The following AGMO variants were observed in gnomAD, a reference collection of about 807,000 sequenced individuals.
AGMO encodes the protein glyceryl-ether monooxygenase.
Under a neutral mutation model 60.2 loss-of-function variants are expected in AGMO, and 75 were observed. The ratio of observed to expected loss-of-function variants is 1.25; its 90% CI spans 1.03 to 1.51. The LOEUF is 1.51. Among genes scored for constraint, AGMO ranks in the 40% most tolerant of loss-of-function variants. The pLI, the probability that AGMO is intolerant of heterozygous loss-of-function variation, is 0.00. For synonymous variants in AGMO, 261 were observed against 177.1 expected (o/e 1.47, Z -3.76); for missense variants, 763 against 525.5 (o/e 1.45, Z -4.42).
At chr7:15,381,017 T>C (rs1366066518) in intron 10 of AGMO, among the ~76,000 whole-genome samples, 1 of 152,098 alleles carries the variant, frequency 6.6e-6, no homozygotes, top group Non-Finnish European at 1.5e-5. Context: ...CCTTACTGCA[T>C]ATACAAAAAC....
the AGMO span, among the ~76,000 whole-genome samples, chr7:15,117,721 T>A: frequency 6.6e-6 from 1 of 152,042 alleles, no homozygotes; most frequent in South Asian, 2.1e-4. Flanking sequence ...AATGTCCACA[T>A]GGCCGCATGC....
chr7:15,173,742 CT>C, the AGMO span, among the ~76,000 whole-genome samples: 1 of 150,874 alleles, frequency 6.6e-6, no homozygotes, highest in Non-Finnish European at 1.5e-5. Flanking sequence ...TACAAATTTC[CT>C]TATTTTACAT....
intron 12 of AGMO, among the ~76,000 whole-genome samples, chr7:15,249,105 A>G (rs370990906): frequency 2.0e-5 from 3 of 152,224 alleles, no homozygotes; most frequent in African/African-American, 7.2e-5. Flanking sequence ...ATGGATACCA[A>G]GAAGGTAGAG....
At chr7:15,281,038 G>T (rs974018396) in intron 12 of AGMO, among the ~76,000 whole-genome samples, 1 of 152,162 alleles carries the variant, frequency 6.6e-6, no homozygotes, top group African/African-American at 2.4e-5. Context: ...AGCATTTACA[G>T]TAGTCTGGCT....
At chr7:15,460,606 TTAA>T (rs1782119614) in intron 3 of AGMO, among the ~76,000 whole-genome samples, 1 of 152,066 alleles carries the variant, frequency 6.6e-6, no homozygotes, top group African/African-American at 2.4e-5. Flanking sequence ...TAATAAGATA[TTAA>T]TGAGATATAA....
At chr7:15,482,410 T>C (rs1180202613) in intron 3 of AGMO, among the ~76,000 whole-genome samples, 3 of 152,098 alleles carry the variant, frequency 2.0e-5, no homozygotes, top group African/African-American at 4.8e-5. Context: ...CTTTAGTAAA[T>C]TGGACAAGTA....
intron 2 of AGMO, among the ~76,000 whole-genome samples, chr7:15,546,228 C>G (rs1323813089): frequency 6.6e-6 from 1 of 152,100 alleles, no homozygotes; most frequent in Non-Finnish European, 1.5e-5. Context: ...AAACACTAGA[C>G]TGTCTTATAA....
the AGMO span, among the ~76,000 whole-genome samples, chr7:15,150,800 C>T: frequency 6.6e-6 from 1 of 152,024 alleles, no homozygotes; most frequent in East Asian, 1.9e-4. Context: ...TTGTTAGTAT[C>T]AGAATGATGC....
the AGMO span, among the ~76,000 whole-genome samples, chr7:15,174,307 TGAG>T: frequency 6.6e-6 from 1 of 152,090 alleles, no homozygotes; most frequent in African/African-American, 2.4e-5. Context: ...CCCTTTTACC[TGAG>T]AAGTGAGGAG....
At chr7:15,264,284 G>A (rs923614696) in intron 12 of AGMO, among the ~76,000 whole-genome samples, 3 of 151,436 alleles carry the variant, frequency 2.0e-5, no homozygotes, top group Admixed American at 6.6e-5. Flanking sequence ...TCATAACTAC[G>A]TCAAAAATGG....
chr7:15,128,668 A>T, the AGMO span, among the ~76,000 whole-genome samples: 4 of 152,100 alleles, frequency 2.6e-5, no homozygotes, highest in Non-Finnish European at 4.4e-5. Flanking sequence ...TGTAGAAAAA[A>T]GAAAGTTACC....
At chr7:15,293,780 C>T (rs1403737784) in intron 12 of AGMO, among the ~76,000 whole-genome samples, 2 of 152,160 alleles carry the variant, frequency 1.3e-5, no homozygotes, top group Non-Finnish European at 1.5e-5. Flanking sequence ...ATATTTTATG[C>T]AAGTGCCTTG....
intron 3 of AGMO, among the ~76,000 whole-genome samples, chr7:15,522,400 T>C (rs1455524195): frequency 6.6e-6 from 1 of 152,100 alleles, no homozygotes; most frequent in East Asian, 1.9e-4. Context: ...CAAGACAATC[T>C]AAGCAAAAAG....
At chr7:15,336,418 CAAAAAAAAAAGA>C in intron 12 of AGMO, among the ~76,000 whole-genome samples, 1 of 140,678 alleles carries the variant, frequency 7.1e-6, no homozygotes, top group East Asian at 2.0e-4. Context: ...CTCAATATGG[CAAAAAAAAAAGA>C]AAAAAAAACA....
intron 10 of AGMO, among the ~76,000 whole-genome samples, chr7:15,381,964 G>A (rs370232239): frequency 1.6e-4 from 24 of 151,942 alleles, no homozygotes; most frequent in Admixed American, 1.2e-3. Flanking sequence ...AAGTGGGAGC[G>A]CTAAATGATG....
the AGMO span, among the ~76,000 whole-genome samples, chr7:15,138,407 T>C: frequency 3.3e-5 from 5 of 152,324 alleles, no homozygotes; most frequent in Non-Finnish European, 7.3e-5. Flanking sequence ...ACTGTGCCAC[T>C]TGGACAGGCT....
intron 2 of AGMO, among the ~76,000 whole-genome samples, chr7:15,558,284 T>C (rs1337688275): frequency 6.6e-6 from 1 of 152,036 alleles, no homozygotes; most frequent in Non-Finnish European, 1.5e-5. Context: ...AAATTCATTG[T>C]CAAAATGCTT....
At chr7:15,556,645 A>C (rs1052167532) in intron 2 of AGMO, among the ~76,000 whole-genome samples, 1 of 152,090 alleles carries the variant, frequency 6.6e-6, no homozygotes, top group African/African-American at 2.4e-5. Context: ...GCAGGAAAAA[A>C]ATGTGATTAT....
At chr7:15,237,793 A>G (rs1563049211) in intron 12 of AGMO, among the ~76,000 whole-genome samples, 1 of 151,944 alleles carries the variant, frequency 6.6e-6, no homozygotes, top group Non-Finnish European at 1.5e-5. Flanking sequence ...GTAGGCTTCA[A>G]CCTCCCTCCT....
Sources: allele counts gnomAD v4.1 joint callset (sites outside exome capture counted in the v4.1 genomes callset), GRCh38; gene constraint gnomAD v4.1.1; transcripts MANE v1.5; gene names NCBI Gene and HGNC (gene_info 2026-07-23, HGNC 2026-07-21).